Variants in CARM1 observed in about 807,000 individuals in gnomAD.
The protein encoded by CARM1 is histone-arginine methyltransferase CARM1.
In CARM1, 14 loss-of-function variants were observed where a neutral mutation model predicts 72.7. The observed-to-expected ratio is 0.19, with a 90% confidence interval of 0.13 to 0.30. The LOEUF (loss-of-function observed/expected upper bound fraction) is 0.30. Among genes scored for constraint, CARM1 ranks in the 10% least tolerant of loss-of-function variants. CARM1 has a pLI of 1.00. For missense variants in CARM1, 432 were observed against 833.7 expected (o/e 0.52, Z 5.93); for synonymous variants, 333 against 345.5 (o/e 0.96, Z 0.40).
chr19:10,899,921 ATG>A (rs2074052170), intron 1 of CARM1, among the ~76,000 whole-genome samples: 1 of 152,010 alleles, frequency 6.6e-6, no homozygotes, highest in Non-Finnish European at 1.5e-5. Flanking sequence ...GGGTTTTGCC[ATG>A]TTGGACAGGT....
intron 1 of CARM1, among the ~76,000 whole-genome samples, chr19:10,899,520 G>C (rs909964546): frequency 1.3e-5 from 2 of 152,110 alleles, no homozygotes; most frequent in Admixed American, 6.5e-5. Context: ...TGAGTCTGGG[G>C]CAGTGGCCTG....
At chr19:10,884,986 G>A (rs530597666) in intron 1 of CARM1, among the ~76,000 whole-genome samples, 2 of 152,340 alleles carry the variant, frequency 1.3e-5, no homozygotes, top group African/African-American at 2.4e-5. Context: ...GATTACAGAC[G>A]TGAGCCATCA....
rs1382164871 is a variant in CARM1, at chr19:10,922,962, G to C, written c.*1205G>C. 4.6e-6 allele frequency: 1 copy of C among 219,406 alleles called. No homozygotes were observed. The highest frequency in any genetic ancestry group is 2.4e-5 in the African/African-American group (1 of 42,406). 13.6% of individuals were successfully genotyped at this position (219,406 alleles called of 1,614,324 possible). On this transcript the variant is annotated 3_prime_UTR_variant, in exon 16 of 16. Transcript: ENST00000327064. ...AAAGCAGGTGGCCCGGGGGGGATATGGGGGCCCCAGCCCTGTCCCAAAGCT... is the reference window on the plus strand; with the variant it reads ...AAAGCAGGTGGCCCGGGGGGGATATCGGGGCCCCAGCCCTGTCCCAAAGCT...
At chr19:10,905,950 T>A (rs1409666179) in intron 2 of CARM1, among the ~76,000 whole-genome samples, 10 of 133,210 alleles carry the variant, frequency 7.5e-5, no homozygotes, top group African/African-American at 2.9e-4. Flanking sequence ...CCCTTTTTTT[T>A]TTTTTTTTTT....
rs2074260683 is a variant in CARM1, at chr19:10,921,984, ATGT to A, written c.*231_*233del. The A allele has an allele frequency of 4.2e-6, 2 of 472,870 alleles. No individual in the cohort carries two copies. Among genetic ancestry groups the A allele is most frequent in the Admixed American group, 7.8e-5 (2 of 25,566 alleles). The allele number at this position is 472,870 out of a possible 1,614,324, so 29.3% of individuals were successfully genotyped here. A position where few individuals can be genotyped will look rare whatever the true frequency, so the allele number is the denominator to read the frequency against. ...TCGCTGCCATATTTTACACAAAATC[ATGT>A]TGTGGGAGCCCTCGTCCCCCCTCCT... On this transcript the variant is annotated 3_prime_UTR_variant, in exon 16 of 16. Coordinates refer to ENST00000327064, the MANE Select transcript of CARM1 (RefSeq NM_199141.2).
chr19:10,879,235 C>T (rs2073884319), intron 1 of CARM1, among the ~76,000 whole-genome samples: 1 of 152,178 alleles, frequency 6.6e-6, no homozygotes, highest in East Asian at 1.9e-4. Flanking sequence ...AAGGTCACAT[C>T]CAGGTGTTTG....
At chr19:10,900,859 A>G (rs771670309) in intron 1 of CARM1, among the ~76,000 whole-genome samples, 87 of 149,214 alleles carry the variant, frequency 5.8e-4, no homozygotes, top group Non-Finnish European at 1.0e-3. Flanking sequence ...AATTTTTTGT[A>G]TTTTTAGTAG....
rs1179936865 is a variant in CARM1, at chr19:10,871,583, A to AGCGGCG, written c.-115_-114insGGCGGC. 2.4e-4 allele frequency: 18 copies of AGCGGCG among 76,412 alleles called. No individual in the cohort carries two copies. The highest frequency in any genetic ancestry group is 1.9e-3 in the South Asian group (4 of 2,134). The allele number at this position is 76,412 out of a possible 1,614,324, so 4.7% of individuals were successfully genotyped here. A position where few individuals can be genotyped will look rare whatever the true frequency, so the allele number is the denominator to read the frequency against. Reference sequence around the variant, plus strand: ...CCTGCACGGCGGCTGCGGCGGCGGTAGCGGCAGCGGCGGCGGCGGCGGCGG... The same window carrying AGCGGCG: ...CCTGCACGGCGGCTGCGGCGGCGGTAGCGGCGGCGGCAGCGGCGGCGGCGGCGGCGG... On this transcript the variant is annotated 5_prime_UTR_variant, in exon 1 of 16. Coordinates refer to ENST00000327064, the MANE Select transcript of CARM1 (RefSeq NM_199141.2). The surrounding 1 kb of genome is among the most constrained non-coding windows in gnomAD (Gnocchi z 5.6).
chr19:10,918,763 C>T (rs1280388958), intron 8 of CARM1, among the ~76,000 whole-genome samples: 1 of 152,154 alleles, frequency 6.6e-6, no homozygotes, highest in South Asian at 2.1e-4. Context: ...TCGAGGTGGC[C>T]GTTTTCTGCC....
chr19:10,884,828 C>T (rs902789201), intron 1 of CARM1, among the ~76,000 whole-genome samples: 5 of 152,168 alleles, frequency 3.3e-5, no homozygotes, highest in African/African-American at 1.2e-4. Context: ...CCTCAGCCTC[C>T]CGAGTAGCTG....
At chr19:10,900,527 C>T (rs1369786123) in intron 1 of CARM1, among the ~76,000 whole-genome samples, 1 of 152,090 alleles carries the variant, frequency 6.6e-6, no homozygotes, top group Admixed American at 6.6e-5. Context: ...ATTTTTATGG[C>T]TGAATAATGT....
intron 1 of CARM1, among the ~76,000 whole-genome samples, 175 bp downstream of exon 1, chr19:10,872,097 G>C (rs368657529): frequency 6.6e-6 from 1 of 152,016 alleles, no homozygotes; most frequent in East Asian, 1.9e-4. Flanking sequence ...GACAGACAGA[G>C]AAAAGAGGGC....
Position 10,912,331 on chromosome 19 carries a change from C to T in CARM1, c.669+37C>T, listed in dbSNP as rs372878140. 7.4e-6 allele frequency: 11 copies of T among 1,484,898 alleles called. No homozygotes were observed. Among genetic ancestry groups the T allele is most frequent in the African/African-American group, 1.4e-5 (1 of 72,438 alleles). 92.0% of individuals were successfully genotyped at this position (1,484,898 alleles called of 1,614,324 possible). A position where few individuals can be genotyped will look rare whatever the true frequency, so the allele number is the denominator to read the frequency against. On this transcript the variant is annotated intron_variant, in intron 5 of 15. Transcript: ENST00000327064. The surrounding 1 kb of genome is among the most constrained non-coding windows in gnomAD (Gnocchi z 4.5). ...GCTGGTGCCCACCCAGCCTCGTCCT[C>T]GCCCATGAGTGCCATGCCGGCCCCA...
At chr19:10,873,625 T>G (rs796753661) in intron 1 of CARM1, among the ~76,000 whole-genome samples, 5 of 31,956 alleles carry the variant, frequency 1.6e-4, no homozygotes, top group African/African-American at 5.1e-4. Flanking sequence ...TTTAGTTTAG[T>G]TTTTTTTTTT....
Position 10,913,982 on chromosome 19 carries a change from A to C in CARM1, c.775A>C (p.Met259Leu), listed in dbSNP as rs2074175147. The change falls in exon 6 of 16, where the codon ATG (methionine) becomes CTG (leucine). Residue 259 changes from methionine (M) to leucine (L), a missense_variant. Met to Leu is a conservative substitution (Grantham distance 15). This residue lies in a region of CARM1 where 152 missense variants were observed against 452.8 expected (regional missense o/e 0.34). Transcript: ENST00000327064. ...EQVDIIISEP[M>L]GYMLFNERML... ...GGTGGACATCATCATCTCGGAGCCC[A>C]TGGGCTACATGCTCTTCAACGAGCG... 6.2e-7 allele frequency: 1 copy of C among 1,613,658 alleles called. No individual in the cohort carries two copies.
rs2074027134 is a variant in CARM1 at position 10,896,818 on chromosome 19, C to T, written c.221-8133C>T. ...TGTCAGTCTGCCACTCGGCTGTCCT[C>T]ACCGCCTCTAGGATGGGGAGTGTGT... is the stretch of plus-strand genomic sequence containing the variant. On this transcript the variant is annotated intron_variant, in intron 1 of 15. Transcript: ENST00000327064. The surrounding 1 kb of genome is among the most constrained non-coding windows in gnomAD (Gnocchi z 5.2). Among the ~76,000 whole-genome samples, 1 of 152,226 alleles carries T rather than the reference C, an allele frequency of 6.6e-6. No individual in the cohort carries two copies. Among genetic ancestry groups the T allele is most frequent in the Non-Finnish European group, 1.5e-5 (1 of 68,042 alleles).
intron 6 of CARM1, among the ~76,000 whole-genome samples, chr19:10,914,817 A>G (rs1412424642): frequency 6.6e-6 from 1 of 151,884 alleles, no homozygotes; most frequent in Non-Finnish European, 1.5e-5. Context: ...CAGCCTCCCA[A>G]AGTGTTGGGA....
At position 10,878,054 on chromosome 19, in the gene CARM1, C is replaced by A. The variant is rs374325759; in HGVS notation, c.220+6132C>A. ...ACAGAGTCTTGCTGTGTTTCCCAGG[C>A]TGGCCCCAAACCCCTGGCCTCAAAC... On this transcript the variant is annotated intron_variant, in intron 1 of 15. Transcript: ENST00000327064. 3.3e-5 allele frequency among the ~76,000 whole-genome samples: 5 copies of A among 152,270 alleles called. No individual in the cohort carries two copies. The South Asian group carries it at 1.0e-3, about 32-fold the overall frequency.
chr19:10,905,523 G>A (rs1240670262), intron 2 of CARM1, among the ~76,000 whole-genome samples: 1 of 152,212 alleles, frequency 6.6e-6, no homozygotes, highest in Admixed American at 6.5e-5. Flanking sequence ...TCCTGACTAG[G>A]GGTGGGAGAA....
Sources: gnomAD v4.1 joint callset for allele counts (sites outside exome capture counted in the v4.1 genomes callset) on GRCh38, gnomAD v4.1.1 for gene constraint, gnomAD v4.1.1 regional missense constraint, Gnocchi (gnomAD v3.1) non-coding constraint, MANE v1.5 for transcripts, NCBI Gene and HGNC (gene_info 2026-07-23, HGNC 2026-07-21) for gene names.